TRAPPC14: variants seen among roughly 807,000 people sequenced by gnomAD.
TRAPPC14 encodes microtubule associated protein 11.
In TRAPPC14, 24 loss-of-function variants were observed where a neutral mutation model predicts 56.6. The observed-to-expected ratio is 0.42, with a 90% CI of 0.31 to 0.60. The LOEUF is 0.60. TRAPPC14 is among the 20% of genes least tolerant of loss of function. The pLI, the probability that TRAPPC14 is intolerant of heterozygous loss-of-function variation, is 0.14. For synonymous variants in TRAPPC14, 377 were observed against 347.0 expected, an observed-to-expected ratio of 1.09 and a Z score of -0.96; for missense variants, 615 against 790.3, an observed-to-expected ratio of 0.78 and a Z score of 2.66.
intron 8 of TRAPPC14, 164 bp from the exon 9 acceptor site, chr7:100,155,989 G>A (rs772472803): frequency 1.1e-6 from 1 of 910,078 alleles, no homozygotes; most frequent in Non-Finnish European, 1.8e-6. Flanking sequence ...TACGTACTGT[G>A]TGCAAGGCAC....
intron 10 of TRAPPC14, 38 bp from the exon 11 acceptor site, chr7:100,155,202 C>G (rs200331819): frequency 6.2e-7 from 1 of 1,606,550 alleles, no homozygotes; most frequent in Admixed American, 1.7e-5. Flanking sequence ...TGGTCAGACC[C>G]GGCACCCTCG....
rs1340314609 is a variant in TRAPPC14 at position 100,155,412 on chromosome 7, A to G, written c.1439T>C (p.Val480Ala). The stretch of plus-strand genomic sequence containing the variant: ...CCGGGCCTCGGGTGGAGGGTGGGAC[A>G]CGCTGGCGGTGAACTGCAGCTTCAG... ...MKLKLQFTAS[V>A]SHPPPEARPL... Residue 480 changes from valine (V) to alanine (A), a missense_variant, in exon 10 of 11, where the codon GTG becomes GCG. Val to Ala is a moderately conservative substitution (Grantham distance 64, BLOSUM62 0). Transcript: ENST00000316937. 6 of 1,539,726 alleles carry G rather than the reference A, an allele frequency of 3.9e-6. No homozygotes were observed. Among genetic ancestry groups the G allele is most frequent in the Non-Finnish European group, 5.3e-6 (6 of 1,141,170 alleles).
At chr7:100,155,878 G>A (rs746767877) in intron 8 of TRAPPC14, 53 bp from the exon 9 acceptor site, 5 of 1,610,246 alleles carry the variant, frequency 3.1e-6, no homozygotes, top group African/African-American at 2.7e-5. Context: ...CATTCCCACA[G>A]GGCCTTCGCC....
rs917514192 is a variant in TRAPPC14, at chr7:100,156,865, G to T, written c.973C>A (p.Pro325Thr). The T allele has an allele frequency of 8.7e-6, 14 of 1,613,918 alleles. No homozygotes were observed. Among genetic ancestry groups the T allele is most frequent in the African/African-American group, 5.3e-5 (4 of 74,892 alleles). Residue 325 changes from proline to threonine, a missense_variant, in exon 6 of 11, where the codon CCC becomes ACC. Transcript: ENST00000316937. The stretch of plus-strand genomic sequence containing the variant: ...CTCACCTCCTTGGCCCCTGGAGGGG[G>T]CTGCTCACCCCCTCTCAGCTGAAAC... The part of the protein sequence containing the change: ...FLFQLRGGEQ[P>T]PPGAKEGLEV...
intron 3 of TRAPPC14, 32 bp downstream of exon 3, chr7:100,157,601 C>G: frequency 6.2e-7 from 1 of 1,613,230 alleles, no homozygotes; most frequent in Non-Finnish European, 8.5e-7. Context: ...TTCCCAGACT[C>G]TAGCCCTTTG....
At position 100,158,210 on chromosome 7, in the gene TRAPPC14, G is replaced by T. The variant is rs1370873515; in HGVS notation, c.290C>A (p.Ala97Asp). ...AGGGMPGGGG[A>D]GDQDSEPPGG... ...TGGGGGCTCCGAATCCTGGTCGCCG[G>T]CGCCGCCGCCCCCCGGCATCCCGCC... The change falls in exon 1 of 11, where the codon GCC becomes GAC. Residue 97 changes from alanine to aspartate, a missense_variant. By Grantham distance (126) the Ala-to-Asp change is moderately radical. Coordinates refer to ENST00000316937, the MANE Select transcript of TRAPPC14 (RefSeq NM_018275.5). The T allele has an allele frequency of 1.4e-6, 2 of 1,461,396 alleles. No homozygotes were observed. The highest frequency in any genetic ancestry group is 2.7e-5 in the East Asian group (1 of 36,472). 90.5% of individuals were successfully genotyped at this position (1,461,396 alleles called of 1,614,324 possible).
chr7:100,154,732 G>A lies in TRAPPC14; in HGVS notation c.*279C>T, dbSNP rs1290911807. On this transcript the variant is annotated 3_prime_UTR_variant, in exon 11 of 11. Coordinates refer to ENST00000316937, the MANE Select transcript of TRAPPC14 (RefSeq NM_018275.5). ...AACTCAGAACCAGGGTAAAGGGCCG[G>A]GGACAAGGGAGCTCTGGGAACCCTT... The A allele has an allele frequency of 3.9e-6, 2 of 518,932 alleles. No individual in the cohort carries two copies. Among genetic ancestry groups the A allele is most frequent in the Non-Finnish European group, 6.9e-6 (2 of 289,430 alleles). 32.1% of individuals were successfully genotyped at this position (518,932 alleles called of 1,614,324 possible). A position where few individuals can be genotyped will look rare whatever the true frequency, so the allele number is the denominator to read the frequency against.
At position 100,158,546 on chromosome 7, in the gene TRAPPC14, C is replaced by G. The variant is rs759088863; in HGVS notation, c.-47G>C. Reference sequence around the variant, plus strand: ...CTGGGAGCCCGGACCGGAGGCCGACCGCCGGCGGGGCCCGCTAGGGTGGGT... The same window carrying G: ...CTGGGAGCCCGGACCGGAGGCCGACGGCCGGCGGGGCCCGCTAGGGTGGGT... On this transcript the variant is annotated 5_prime_UTR_variant, in exon 1 of 11. Coordinates refer to ENST00000316937, the MANE Select transcript of TRAPPC14 (RefSeq NM_018275.5). 1 of 1,301,186 alleles carries G rather than the reference C, an allele frequency of 7.7e-7. No homozygotes were observed. Among genetic ancestry groups the G allele is most frequent in the Non-Finnish European group, 9.7e-7 (1 of 1,026,540 alleles). 80.6% of individuals were successfully genotyped at this position (1,301,186 alleles called of 1,614,324 possible). A position where few individuals can be genotyped will look rare whatever the true frequency, so the allele number is the denominator to read the frequency against.
intron 9 of TRAPPC14, 34 bp from the exon 10 acceptor site, chr7:100,155,489 G>T: frequency 6.6e-7 from 1 of 1,518,098 alleles, no homozygotes; most frequent in Non-Finnish European, 8.8e-7. Context: ...TGCCAGCTCG[G>T]CTTCCAGGAC....
At chr7:100,157,274 C>A in intron 4 of TRAPPC14, 60 bp from the exon 5 acceptor site, 1 of 1,613,434 alleles carries the variant, frequency 6.2e-7, no homozygotes, top group Non-Finnish European at 8.5e-7. Flanking sequence ...CACCTTTACC[C>A]AGAAAAAACC....
Position 100,158,320 on chromosome 7 carries a change from G to A in TRAPPC14, c.180C>T (p.Thr60=). ...TGGAGCCCAAGCCCGGGCCGCCCCC[G>A]GTGCCGGACCCCGCACCGCCCCGGC... ...LRCRGGAGSG[T]GGGPGLGSRG... The change falls in exon 1 of 11, where the codon ACC becomes ACT. Residue 60 remains threonine, a synonymous_variant. Transcript: ENST00000316937. 1.4e-6 allele frequency: 2 copies of A among 1,459,460 alleles called. No individual in the cohort carries two copies. The highest frequency in any genetic ancestry group is 1.3e-5 in the South Asian group (1 of 74,678). 90.4% of individuals were successfully genotyped at this position (1,459,460 alleles called of 1,614,324 possible).
In TRAPPC14 at chr7:100,156,625, C is replaced by G; in HGVS notation, c.1076+9G>C. The G allele has an allele frequency of 3.7e-6, 6 of 1,610,766 alleles. No individual in the cohort carries two copies. The highest frequency in any genetic ancestry group is 5.1e-6 in the Non-Finnish European group (6 of 1,178,054). On this transcript the variant is annotated intron_variant, in intron 7 of 10. Coordinates refer to ENST00000316937, the MANE Select transcript of TRAPPC14 (RefSeq NM_018275.5). Reference sequence around the variant, plus strand: ...CGAACGCCACGATTCCTCCAGGATCCACACTCACCGGTAGTGGGTGTAGAT... The same window carrying G: ...CGAACGCCACGATTCCTCCAGGATCGACACTCACCGGTAGTGGGTGTAGAT...
Position 100,158,631 on chromosome 7 carries a change from C to T in TRAPPC14, c.-132G>A, listed in dbSNP as rs1798938423. ...GGCTGGGGCGGCCGGAGAGACCGGCCCGGTCCCGGCACCGGGGCAACGAAC... is the reference window on the plus strand; with the variant it reads ...GGCTGGGGCGGCCGGAGAGACCGGCTCGGTCCCGGCACCGGGGCAACGAAC... On this transcript the variant is annotated 5_prime_UTR_variant, in exon 1 of 11. Transcript: ENST00000316937. 4 of 940,338 alleles carry T rather than the reference C, an allele frequency of 4.3e-6. No individual in the cohort carries two copies. In the South Asian group the frequency reaches 1.9e-4, roughly 44 times the overall value. The allele number at this position is 940,338 out of a possible 1,614,324, so 58.2% of individuals were successfully genotyped here. A position where few individuals can be genotyped will look rare whatever the true frequency, so the allele number is the denominator to read the frequency against.
In TRAPPC14 at chr7:100,158,113, A is replaced by G; in HGVS notation, c.387T>C (p.Pro129=). Residue 129 remains proline (P), a synonymous_variant, in exon 1 of 11, where the codon CCT becomes CCC. Transcript: ENST00000316937. ...CCGTGGTCGCTCCCCCTGAGGTAGC[A>G]GGGCCCGGGCCGTGGGTGAGAAGGG... The part of the protein sequence containing the change: ...CSPLLTHGPG[P]ATSGGATTLP... The G allele has an allele frequency of 6.7e-7, 1 of 1,499,098 alleles. No individual in the cohort carries two copies. Among genetic ancestry groups the G allele is most frequent in the Non-Finnish European group, 8.9e-7 (1 of 1,127,854 alleles). The allele number at this position is 1,499,098 out of a possible 1,614,324, so 92.9% of individuals were successfully genotyped here.
rs970705278 is a variant in TRAPPC14 at position 100,158,531 on chromosome 7, G to A, written c.-32C>T. The A allele has an allele frequency of 1.0e-5, 13 of 1,303,834 alleles. No homozygotes were observed. The South Asian group carries it at 2.5e-4, about 25-fold the overall frequency. The allele number at this position is 1,303,834 out of a possible 1,614,324, so 80.8% of individuals were successfully genotyped here. The stretch of plus-strand genomic sequence containing the variant: ...GCGAGGACGGCGCGACTGGGAGCCC[G>A]GACCGGAGGCCGACCGCCGGCGGGG... On this transcript the variant is annotated 5_prime_UTR_variant, in exon 1 of 11. Transcript: ENST00000316937.
intron 8 of TRAPPC14, 185 bp from the exon 9 acceptor site, chr7:100,156,010 T>A: frequency 1.2e-6 from 1 of 813,902 alleles, no homozygotes; most frequent in Admixed American, 1.8e-5. Flanking sequence ...GTCACGTATA[T>A]TAACTCAGTA....
At position 100,157,009 on chromosome 7, in the gene TRAPPC14, G is replaced by A; in HGVS notation, c.846-17C>T. On this transcript the variant is annotated splice_polypyrimidine_tract_variant and intron_variant, in intron 5 of 10. Coordinates refer to ENST00000316937, the MANE Select transcript of TRAPPC14 (RefSeq NM_018275.5). ...GACTGGTGACTAGCTCAGAAAAGAG[G>A]ACAAGGCATGGTCTCCCCATGCCAG... The A allele has an allele frequency of 1.9e-6, 3 of 1,614,002 alleles. No homozygotes were observed. The highest frequency in any genetic ancestry group is 1.1e-5 in the South Asian group (1 of 91,076).
Position 100,156,396 on chromosome 7 carries a change from A to G in TRAPPC14, c.1230T>C (p.His410=), listed in dbSNP as rs1191057830. The change falls in exon 8 of 11, where the codon CAT becomes CAC. Residue 410 remains histidine (H), a synonymous_variant. Coordinates refer to ENST00000316937, the MANE Select transcript of TRAPPC14 (RefSeq NM_018275.5). ...TGGCAGCTGACCTACCAGCCTGTGCATGCTCTGGGGTCCACACGAGCCTCA... is the reference window on the plus strand; with the variant it reads ...TGGCAGCTGACCTACCAGCCTGTGCGTGCTCTGGGGTCCACACGAGCCTCA... The part of the protein sequence containing the change: ...LAVRLVWTPE[H]AQAGKQLCEE... 1.4e-5 allele frequency: 22 copies of G among 1,613,962 alleles called. No individual in the cohort carries two copies. The highest frequency in any genetic ancestry group is 1.8e-5 in the Non-Finnish European group (21 of 1,179,984).
rs1479049022 is a variant in TRAPPC14 at position 100,156,873 on chromosome 7, C to A, written c.965G>T (p.Gly322Val). The A allele has an allele frequency of 6.2e-7, 1 of 1,613,968 alleles. No homozygotes were observed. The highest frequency in any genetic ancestry group is 2.2e-5 in the East Asian group (1 of 44,888). ...CTTGGCCCCTGGAGGGGGCTGCTCACCCCCTCTCAGCTGAAACAGGAAGTT... is the reference window on the plus strand; with the variant it reads ...CTTGGCCCCTGGAGGGGGCTGCTCAACCCCTCTCAGCTGAAACAGGAAGTT... ...EHNFLFQLRG[G>V]EQPPPGAKEG... is the part of the protein sequence containing the mutation. The change falls in exon 6 of 11, where the codon GGT (glycine) becomes GTT (valine). Residue 322 changes from glycine to valine, a missense_variant. Coordinates refer to ENST00000316937, the MANE Select transcript of TRAPPC14 (RefSeq NM_018275.5).
Sources: gnomAD v4.1 joint callset for allele counts on GRCh38, gnomAD v4.1.1 for gene constraint, MANE v1.5 for transcripts, NCBI Gene and HGNC (gene_info 2026-07-23, HGNC 2026-07-21) for gene names.